IL1RAPL1: variants seen among roughly 807,000 people sequenced by gnomAD.
IL1RAPL1 encodes the protein interleukin 1 receptor accessory protein like 1.
In IL1RAPL1, 3 loss-of-function variants were observed where a neutral mutation model predicts 48.4. The ratio of observed to expected loss-of-function variants is 0.06; its 90% CI spans 0.03 to 0.16. The LOEUF (loss-of-function observed/expected upper bound fraction) is 0.16. IL1RAPL1 is among the 10% of genes least tolerant of loss of function. The pLI, the probability that IL1RAPL1 is intolerant of heterozygous loss-of-function variation, is 1.00. For synonymous variants in IL1RAPL1, 185 were observed against 187.7 expected (o/e 0.99, Z 0.12); for missense variants, 349 against 530.6 (o/e 0.66, Z 3.36).
chrX:29,773,692 G>A (rs1480609430), intron 6 of IL1RAPL1, among the ~76,000 whole-genome samples: 1 of 111,276 alleles, frequency 9.0e-6, no homozygotes, highest in African/African-American at 3.3e-5. Context: ...CTTCAGAAAG[G>A]GCACAGGCTA....
chrX:29,020,203 TAAAC>T (rs776173142), intron 2 of IL1RAPL1, among the ~76,000 whole-genome samples: 7 of 112,397 alleles, frequency 6.2e-5, no homozygotes, highest in Non-Finnish European at 9.4e-5. Context: ...TCAAGAATAA[TAAAC>T]TATTTTAAAA....
At chrX:29,383,738 T>A (rs1433562754) in intron 3 of IL1RAPL1, among the ~76,000 whole-genome samples, 4 of 112,032 alleles carry the variant, frequency 3.6e-5, no homozygotes, top group Non-Finnish European at 5.6e-5. Context: ...CTTGAACTGA[T>A]ATTAAAATTG....
chrX:29,178,765 T>C (rs1292378524), intron 2 of IL1RAPL1, among the ~76,000 whole-genome samples: 1 of 112,142 alleles, frequency 8.9e-6, no homozygotes, highest in Non-Finnish European at 1.9e-5. Flanking sequence ...CTTGAATTAA[T>C]TTTTGTAAAA....
At chrX:28,596,524 G>A in intron 1 of IL1RAPL1, among the ~76,000 whole-genome samples, 1 of 111,038 alleles carries the variant, frequency 9.0e-6, no homozygotes, top group Middle Eastern at 4.6e-3. Flanking sequence ...GTTTAGTTAG[G>A]GATATGACTA....
chrX:29,297,714 G>A (rs1569279527), intron 3 of IL1RAPL1, among the ~76,000 whole-genome samples: 2 of 112,038 alleles, frequency 1.8e-5, no homozygotes, highest in Admixed American at 9.5e-5. Flanking sequence ...ACTGAAAATC[G>A]AGCTGGATCT....
At chrX:29,756,564 C>T (rs1928622221) in intron 6 of IL1RAPL1, among the ~76,000 whole-genome samples, 1 of 109,953 alleles carries the variant, frequency 9.1e-6, no homozygotes, top group African/African-American at 3.3e-5. Flanking sequence ...AGGCGCCCAC[C>T]ACCATGCCAG....
intron 2 of IL1RAPL1, among the ~76,000 whole-genome samples, chrX:29,093,354 G>A (rs1928132202): frequency 9.1e-6 from 1 of 110,377 alleles, no homozygotes; most frequent in African/African-American, 3.3e-5. Context: ...GGAGATACCA[G>A]TTACTTTTAA....
At chrX:29,614,678 A>G (rs966643470) in intron 5 of IL1RAPL1, among the ~76,000 whole-genome samples, 3 of 112,272 alleles carry the variant, frequency 2.7e-5, no homozygotes, top group African/African-American at 9.7e-5. Context: ...AGGAAAATGC[A>G]TTATTTCCTT....
chrX:29,596,961 A>G (rs925348130), intron 5 of IL1RAPL1, among the ~76,000 whole-genome samples: 3 of 111,228 alleles, frequency 2.7e-5, no homozygotes, highest in Non-Finnish European at 5.6e-5. Flanking sequence ...ATTTTGTTAA[A>G]TGCTTTTTCT....
chrX:28,808,049 T>G (rs1477241351), intron 2 of IL1RAPL1, among the ~76,000 whole-genome samples: 1 of 110,877 alleles, frequency 9.0e-6, no homozygotes, highest in Non-Finnish European at 1.9e-5. Context: ...CTTCTTTCTG[T>G]GTCCAAGGCT....
At chrX:29,195,717 G>A (rs990973785) in intron 2 of IL1RAPL1, among the ~76,000 whole-genome samples, 4 of 109,221 alleles carry the variant, frequency 3.7e-5, no homozygotes, top group African/African-American at 1.3e-4. Context: ...GCGCTACCAC[G>A]ACTGGCTAAT....
chrX:29,885,827 G>A (rs559560890), intron 6 of IL1RAPL1, among the ~76,000 whole-genome samples: 12 of 110,885 alleles, frequency 1.1e-4, no homozygotes, highest in African/African-American at 2.6e-4. Context: ...TCAAAAAAAC[G>A]CATATGTAAT....
intron 1 of IL1RAPL1, among the ~76,000 whole-genome samples, chrX:28,628,188 A>C (rs1223892233): frequency 9.0e-6 from 1 of 111,718 alleles, no homozygotes; most frequent in African/African-American, 3.3e-5. Flanking sequence ...TCTGAGTGAG[A>C]GAAGAAGAAA....
At chrX:28,779,634 GTATATATATATATATATATATA>G (rs1183080798) in intron 1 of IL1RAPL1, among the ~76,000 whole-genome samples, 3 of 38,343 alleles carry the variant, frequency 7.8e-5, no homozygotes, top group African/African-American at 1.2e-4. Context: ...GTGTGTGTGT[GTATATATATATATATATATATA>G]TATATATATA....
intron 6 of IL1RAPL1, among the ~76,000 whole-genome samples, chrX:29,906,327 T>G (rs1313209185): frequency 1.2e-5 from 1 of 85,920 alleles, no homozygotes; most frequent in Non-Finnish European, 2.2e-5. Flanking sequence ...AGAGCGAGAC[T>G]CTGTCTCAAA....
intron 6 of IL1RAPL1, among the ~76,000 whole-genome samples, chrX:29,879,395 G>A (rs536667162): frequency 0.044 from 3,822 of 86,829 alleles, 212 homozygotes; most frequent in African/African-American, 0.19. Context: ...GTGTGTGTGT[G>A]TATATATATA....
intron 2 of IL1RAPL1, among the ~76,000 whole-genome samples, chrX:29,154,155 A>T (rs922776363): frequency 8.9e-6 from 1 of 111,809 alleles, no homozygotes; most frequent in Non-Finnish European, 1.9e-5. Flanking sequence ...TTGGATCTTC[A>T]TCTTCCAGTA....
At chrX:28,940,365 C>A (rs1374045568) in intron 2 of IL1RAPL1, among the ~76,000 whole-genome samples, 1 of 111,142 alleles carries the variant, frequency 9.0e-6, no homozygotes, top group Non-Finnish European at 1.9e-5. Flanking sequence ...GATCTTGAAA[C>A]TGATTTGAAT....
intron 2 of IL1RAPL1, among the ~76,000 whole-genome samples, chrX:28,922,884 T>G (rs1219889459): frequency 2.7e-5 from 3 of 112,130 alleles, no homozygotes; most frequent in Non-Finnish European, 5.6e-5. Context: ...ATGTAAGTTA[T>G]AATTAAACAC....
Sources: allele counts gnomAD v4.1 joint callset (sites outside exome capture counted in the v4.1 genomes callset), GRCh38; gene constraint gnomAD v4.1.1; transcripts MANE v1.5; gene names NCBI Gene and HGNC (gene_info 2026-07-23, HGNC 2026-07-21).